The following INSL6 variants were observed in gnomAD, a reference collection of about 807,000 sequenced individuals.
The protein encoded by INSL6 is insulin like 6.
INSL6 carries 16 observed loss-of-function variants against 9.4 expected under a neutral mutation model. That is an observed-to-expected ratio of 1.70 (90% CI 1.15 to 2.59). The LOEUF is 2.59. Ranked by LOEUF, INSL6 falls within the 30% of genes most tolerant of loss-of-function variation. The pLI is 0.00. For missense variants in INSL6, 391 were observed against 257.3 expected, an observed-to-expected ratio of 1.52 and a Z score of -3.56; for synonymous variants, 154 against 96.9, an observed-to-expected ratio of 1.59 and a Z score of -3.46.
the INSL6 span, among the ~76,000 whole-genome samples, chr9:5,086,991 A>G: frequency 6.6e-6 from 1 of 152,228 alleles, no homozygotes; most frequent in African/African-American, 2.4e-5. Flanking sequence ...GAACAATACA[A>G]CTTAGCATTT....
At chr9:5,026,920 A>C in the INSL6 span, among the ~76,000 whole-genome samples, 1 of 152,246 alleles carries the variant, frequency 6.6e-6, no homozygotes, top group Non-Finnish European at 1.5e-5. Flanking sequence ...TGTAAATTAA[A>C]ATAGCCCAAA....
the INSL6 span, chr9:5,111,429 G>A: frequency 2.5e-6 from 1 of 397,020 alleles, no homozygotes. Context: ...ACGAAGGTCG[G>A]GAAGGTCCCG....
At chr9:4,998,890 G>A in the INSL6 span, among the ~76,000 whole-genome samples, 1 of 152,012 alleles carries the variant, frequency 6.6e-6, no homozygotes, top group Non-Finnish European at 1.5e-5. Flanking sequence ...TAGTGCAGTG[G>A]TGCGATCTGC....
the INSL6 span, among the ~76,000 whole-genome samples, chr9:5,069,651 T>G: frequency 1.3e-5 from 2 of 152,138 alleles, no homozygotes; most frequent in African/African-American, 4.8e-5. Flanking sequence ...GTTACTATAA[T>G]TTTGAATTAA....
chr9:5,069,995 G>A, the INSL6 span: 1 of 1,608,150 alleles, frequency 6.2e-7, no homozygotes, highest in Non-Finnish European at 8.5e-7. Flanking sequence ...CATTACAGAG[G>A]CCTACTCATA....
intron 3 of INSL6, chr9:5,126,550 A>T (rs964247178): frequency 1.1e-6 from 1 of 947,328 alleles, no homozygotes; most frequent in Non-Finnish European, 1.6e-6. Flanking sequence ...GCTTCCAGAT[A>T]AACAGCATAA....
At chr9:5,140,401 C>T (rs115189242) in intron 2 of INSL6, among the ~76,000 whole-genome samples, 2,909 of 152,226 alleles carry the variant, frequency 0.019, 115 homozygotes, top group African/African-American at 0.067. Context: ...ACTTTTGACT[C>T]ATTTTTATTA....
chr9:5,138,540 T>A (rs1416839232), intron 2 of INSL6, among the ~76,000 whole-genome samples: 1 of 151,780 alleles, frequency 6.6e-6, no homozygotes, highest in East Asian at 1.9e-4. Flanking sequence ...AATAAGAACA[T>A]ATGGGCACAG....
rs574768916 is a variant in INSL6, at chr9:5,167,790, CT to C, written c.290-3526del. On this transcript the variant is annotated intron_variant, in intron 1 of 1. Transcript: ENST00000381641. ...GGGTCCCTGATCCTATTCCTCCAAA[CT>C]GGGTGAGACCTCCCAACAGGAGTGT... 1.1e-4 allele frequency among the ~76,000 whole-genome samples: 16 copies of C among 152,310 alleles called. 1 individual carries two copies. In the East Asian group the frequency reaches 3.1e-3, roughly 29 times the overall value.
intron 1 of INSL6, among the ~76,000 whole-genome samples, 167 bp from the exon 2 acceptor site, chr9:5,164,432 T>C (rs1266654415): frequency 2.6e-5 from 4 of 152,222 alleles, no homozygotes; most frequent in Non-Finnish European, 5.9e-5. Context: ...CTAAAGTAGG[T>C]GTAGTGTTTT....
chr9:5,034,010 G>C, the INSL6 span, among the ~76,000 whole-genome samples: 1 of 152,238 alleles, frequency 6.6e-6, no homozygotes, highest in South Asian at 2.1e-4. Flanking sequence ...CACGTGCAGA[G>C]ACACACATAG....
At chr9:5,069,924 G>A in the INSL6 span, 1 of 1,582,340 alleles carries the variant, frequency 6.3e-7, no homozygotes, top group Non-Finnish European at 8.6e-7. Flanking sequence ...TATTTTTTCA[G>A]ATAAATCAAA....
At chr9:5,126,600 C>A (rs1824015970) in intron 3 of INSL6, 2 of 1,010,896 alleles carry the variant, frequency 2.0e-6, no homozygotes, top group Non-Finnish European at 1.5e-6. Context: ...TGACATGTGC[C>A]CTGTATTGAA....
the INSL6 span, among the ~76,000 whole-genome samples, chr9:5,034,760 G>C: frequency 6.6e-6 from 1 of 151,992 alleles, no homozygotes; most frequent in African/African-American, 2.4e-5. Context: ...GAAATTTATA[G>C]CACTAAAGGC....
chr9:5,120,017 C>G (rs1823493247), downstream of INSL6, among the ~76,000 whole-genome samples: 1 of 152,004 alleles, frequency 6.6e-6, no homozygotes, highest in Non-Finnish European at 1.5e-5. Context: ...AACAGAATAC[C>G]TGAAAATGGA....
At chr9:5,031,053 T>C in the INSL6 span, among the ~76,000 whole-genome samples, 3 of 151,998 alleles carry the variant, frequency 2.0e-5, no homozygotes, top group East Asian at 1.9e-4. Context: ...GAAGACAGTA[T>C]AGGAAAATTA....
At chr9:5,010,010 G>A in the INSL6 span, among the ~76,000 whole-genome samples, 3 of 152,264 alleles carry the variant, frequency 2.0e-5, no homozygotes, top group East Asian at 5.8e-4. Flanking sequence ...AGGCTCAAAC[G>A]ATCCTCTCGC....
chr9:5,148,664 C>A (rs1824649585), intron 2 of INSL6, among the ~76,000 whole-genome samples: 1 of 152,148 alleles, frequency 6.6e-6, no homozygotes, highest in Admixed American at 6.5e-5. Flanking sequence ...TGGGCTCCTT[C>A]CCAATTCAAG....
the INSL6 span, among the ~76,000 whole-genome samples, chr9:5,079,855 T>C: frequency 6.6e-6 from 1 of 151,998 alleles, no homozygotes; most frequent in East Asian, 1.9e-4. Flanking sequence ...GTAAAACTAA[T>C]GGAAAGAGGT....
Sources: gnomAD v4.1 joint callset for allele counts (sites outside exome capture counted in the v4.1 genomes callset) on GRCh38, gnomAD v4.1.1 for gene constraint, MANE v1.5 for transcripts, NCBI Gene and HGNC (gene_info 2026-07-23, HGNC 2026-07-21) for gene names.